Variants in PDE1C observed in about 807,000 individuals in gnomAD.
PDE1C encodes the protein phosphodiesterase 1C, also known as dual specificity calcium/calmodulin-dependent 3',5'-cyclic nucleotide phosphodiesterase 1C.
In PDE1C, 62 loss-of-function variants were observed where a neutral mutation model predicts 93.1. The ratio of observed to expected loss-of-function variants is 0.67; its 90% confidence interval spans 0.54 to 0.82. The LOEUF (loss-of-function observed/expected upper bound fraction) is 0.82, where lower values mean the gene tolerates loss of function less well. Ranked by LOEUF, PDE1C falls within the 40% of genes least tolerant of loss-of-function variation. The probability of loss-of-function intolerance (pLI) is 0.00; values close to 1 mark genes in which losing one functional copy is unlikely to be tolerated. For synonymous variants in PDE1C, 325 were observed against 310.1 expected, an observed-to-expected ratio of 1.05 and a Z score of -0.50; for missense variants, 742 against 884.6, an observed-to-expected ratio of 0.84 and a Z score of 2.04.
At chr7:32,252,998 A>C (rs538531619) in intron 1 of PDE1C, among the ~76,000 whole-genome samples, 1 of 152,318 alleles carries the variant, frequency 6.6e-6, no homozygotes, top group African/African-American at 2.4e-5. Flanking sequence ...GGAAGCCATC[A>C]AAGGGTTCTA....
At chr7:32,129,803 G>A (rs537803967) in intron 3 of PDE1C, among the ~76,000 whole-genome samples, 1 of 152,020 alleles carries the variant, frequency 6.6e-6, no homozygotes, top group Admixed American at 6.6e-5. Flanking sequence ...ATGGATTTCT[G>A]TTTTTTCTTC....
the PDE1C span, among the ~76,000 whole-genome samples, chr7:31,632,288 A>C: frequency 1.3e-5 from 2 of 152,112 alleles, no homozygotes; most frequent in South Asian, 4.2e-4. Context: ...CTCTACTAAA[A>C]AAACAATAAA....
At chr7:32,165,237 A>G (rs1487160865) in intron 3 of PDE1C, among the ~76,000 whole-genome samples, 2 of 152,190 alleles carry the variant, frequency 1.3e-5, no homozygotes, top group Non-Finnish European at 2.9e-5. Flanking sequence ...CTGAGCACGA[A>G]TACAAAATTA....
chr7:32,004,319 C>T (rs544984118), intron 2 of PDE1C, among the ~76,000 whole-genome samples: 2 of 151,962 alleles, frequency 1.3e-5, no homozygotes, highest in Non-Finnish European at 2.9e-5. Flanking sequence ...AAAATAATAT[C>T]ACTTCTCTAA....
At chr7:32,070,912 G>A (rs1277546202), upstream of PDE1C, 4 of 985,228 alleles carry the variant, frequency 4.1e-6, no homozygotes, top group African/African-American at 7.0e-5. Flanking sequence ...GCTCCGCCCC[G>A]CGCCCAGCGC....
At chr7:31,822,491 T>C (rs1789095061) in intron 14 of PDE1C, among the ~76,000 whole-genome samples, 1 of 152,158 alleles carries the variant, frequency 6.6e-6, no homozygotes, top group Non-Finnish European at 1.5e-5. Context: ...TTTCTGTTGA[T>C]AGTACCAAGG....
chr7:31,941,846 A>T (rs1805893129), intron 2 of PDE1C, among the ~76,000 whole-genome samples: 1 of 152,206 alleles, frequency 6.6e-6, no homozygotes, highest in Admixed American at 6.6e-5. Context: ...CAGGGTTCCT[A>T]TGCTGGTCAA....
chr7:32,076,703 C>T (rs1348431471), intron 3 of PDE1C, among the ~76,000 whole-genome samples: 2 of 150,208 alleles, frequency 1.3e-5, no homozygotes, highest in Admixed American at 1.3e-4. Flanking sequence ...ACAGAAAAAG[C>T]TGAGAGAAGA....
chr7:31,864,130 G>A (rs1161079924), intron 7 of PDE1C, among the ~76,000 whole-genome samples: 1 of 152,088 alleles, frequency 6.6e-6, no homozygotes, highest in Non-Finnish European at 1.5e-5. Flanking sequence ...TTAAATGAAT[G>A]GCTTACATCA....
At chr7:32,104,082 G>A (rs930296525) in intron 3 of PDE1C, among the ~76,000 whole-genome samples, 2 of 152,166 alleles carry the variant, frequency 1.3e-5, no homozygotes, top group African/African-American at 4.8e-5. Context: ...ATGAGTTCCA[G>A]AGGGAGCAAA....
chr7:31,880,966 G>A (rs543705567), intron 2 of PDE1C, 106 bp from the exon 3 acceptor site: 1 of 723,428 alleles, frequency 1.4e-6, no homozygotes, highest in African/African-American at 1.8e-5. Flanking sequence ...CACTTATTCT[G>A]ATACATCTGA....
Position 32,011,298 on chromosome 7 carries a change from T to C in PDE1C, c.128+40256A>G, listed in dbSNP as rs867218173. Among the ~76,000 whole-genome samples the C allele has an allele frequency of 2.0e-5, 3 of 152,210 alleles. No individual in the cohort carries two copies. In the Middle Eastern group the frequency reaches 0.01, roughly 518 times the overall value. ...AGTTCCACCTCCCGGGTTCACGCCA[T>C]TCTCCTGCCTCAGCCTCCCAAGTAG... On this transcript the variant is annotated intron_variant, in intron 2 of 17. Coordinates refer to ENST00000396191, the MANE Select transcript of PDE1C (RefSeq NM_001191057.4).
intron 1 of PDE1C, among the ~76,000 whole-genome samples, chr7:32,059,642 G>A (rs1794561197): frequency 2.0e-5 from 3 of 152,124 alleles, no homozygotes; most frequent in Admixed American, 2.0e-4. Context: ...AGCCCTAAAT[G>A]GGACCCCTCC....
intron 1 of PDE1C, among the ~76,000 whole-genome samples, chr7:32,341,324 C>G (rs570661067): frequency 4.7e-5 from 7 of 149,030 alleles, no homozygotes; most frequent in Non-Finnish European, 8.9e-5. Context: ...TACAGGCGCC[C>G]GCTACCACGC....
the PDE1C span, among the ~76,000 whole-genome samples, chr7:31,741,133 T>C: frequency 6.6e-6 from 1 of 152,172 alleles, no homozygotes; most frequent in Admixed American, 6.5e-5. Flanking sequence ...ATTTATAATA[T>C]AATGTTGTTT....
the PDE1C span, among the ~76,000 whole-genome samples, chr7:31,702,598 T>C: frequency 6.6e-6 from 1 of 152,218 alleles, no homozygotes; most frequent in Non-Finnish European, 1.5e-5. Flanking sequence ...AGCATGCAAA[T>C]ACCCAAAACT....
At chr7:31,658,972 G>A in the PDE1C span, among the ~76,000 whole-genome samples, 1 of 152,096 alleles carries the variant, frequency 6.6e-6, no homozygotes, top group African/African-American at 2.4e-5. Flanking sequence ...ATGTACCAAT[G>A]CTTTCTTCAT....
chr7:31,805,151 T>C (rs945421156), intron 16 of PDE1C, among the ~76,000 whole-genome samples: 1 of 151,776 alleles, frequency 6.6e-6, no homozygotes. Flanking sequence ...ACCATGACTA[T>C]GAGGCCTCCT....
At chr7:32,101,357 T>A (rs1359066798) in intron 3 of PDE1C, among the ~76,000 whole-genome samples, 1 of 152,204 alleles carries the variant, frequency 6.6e-6, no homozygotes, top group Non-Finnish European at 1.5e-5. Flanking sequence ...CCATGACCTA[T>A]AATTCAAGGT....
Sources: gnomAD v4.1 joint callset for allele counts (sites outside exome capture counted in the v4.1 genomes callset) on GRCh38, gnomAD v4.1.1 for gene constraint, MANE v1.5 for transcripts, NCBI Gene and HGNC (gene_info 2026-07-23, HGNC 2026-07-21) for gene names.